The following PATJ variants were observed in gnomAD, a reference collection of about 807,000 sequenced individuals.
PATJ encodes PATJ crumbs cell polarity complex component.
Under a neutral mutation model 224.9 loss-of-function variants are expected in PATJ, and 190 were observed. The ratio of observed to expected loss-of-function variants is 0.84; its 90% confidence interval spans 0.75 to 0.95. The LOEUF (loss-of-function observed/expected upper bound fraction) is 0.95. Among genes scored for constraint, PATJ ranks in the 40% least tolerant of loss-of-function variants. PATJ has a pLI of 0.00. For missense variants in PATJ, 2,121 were observed against 2,270.3 expected (o/e 0.93, Z 1.34); for synonymous variants, 769 against 820.3 (o/e 0.94, Z 1.07).
chr1:62,076,502 T>C (rs1016109974), intron 31 of PATJ, among the ~76,000 whole-genome samples: 14 of 152,190 alleles, frequency 9.2e-5, no homozygotes, highest in Non-Finnish European at 1.9e-4. Context: ...GAATGAGTCA[T>C]GGGAACACTC....
chr1:62,000,054 A>C (rs2149599958), intron 28 of PATJ, among the ~76,000 whole-genome samples: 1 of 151,660 alleles, frequency 6.6e-6, no homozygotes, highest in Middle Eastern at 3.4e-3. Flanking sequence ...ATGCCCGGCT[A>C]ATTTTTGTAT....
intron 24 of PATJ, 125 bp downstream of exon 24, chr1:61,901,584 A>G: frequency 1.6e-6 from 1 of 634,142 alleles, no homozygotes; most frequent in South Asian, 2.1e-5. Flanking sequence ...TGCTCTATTT[A>G]TATGCCTTAG....
intron 37 of PATJ, among the ~76,000 whole-genome samples, chr1:62,118,301 T>G (rs1322156788): frequency 6.6e-6 from 1 of 152,128 alleles, no homozygotes; most frequent in Non-Finnish European, 1.5e-5. Flanking sequence ...TGACCAGACT[T>G]ATATCAACAA....
At chr1:61,970,180 A>C (rs1331394714) in intron 27 of PATJ, among the ~76,000 whole-genome samples, 1 of 151,658 alleles carries the variant, frequency 6.6e-6, no homozygotes, top group African/African-American at 2.4e-5. Flanking sequence ...TTCTTCTACA[A>C]ATTTTATAGT....
intron 24 of PATJ, 96 bp downstream of exon 24, chr1:61,901,555 CGT>C: frequency 3.7e-6 from 3 of 816,460 alleles, no homozygotes; most frequent in Non-Finnish European, 1.9e-6. Context: ...TGTTGGGGAC[CGT>C]GTGTGTACAG....
rs1236271347 is a variant in PATJ, at chr1:62,000,905, C to T, written c.3867+10541C>T. Among the ~76,000 whole-genome samples, 204 of 146,016 alleles carry T rather than the reference C, an allele frequency of 1.4e-3. 1 individual carries two copies. The highest frequency in any genetic ancestry group is 4.0e-3 in the African/African-American group (146 of 36,790). On this transcript the variant is annotated intron_variant, in intron 28 of 43. Coordinates refer to ENST00000642238, the MANE Select transcript of PATJ (RefSeq NM_001350145.3). The stretch of plus-strand genomic sequence containing the variant: ...GATTGCCATTCTAACTGGTATGAGA[C>T]GGTATCTCATTGTGGTTTTGATTTG...
chr1:61,955,196 T>C (rs1384470987), intron 27 of PATJ, among the ~76,000 whole-genome samples: 2 of 152,162 alleles, frequency 1.3e-5, no homozygotes, highest in Non-Finnish European at 2.9e-5. Flanking sequence ...GGTTTATCCA[T>C]TGGTTGGTGG....
At chr1:62,117,261 C>G in intron 37 of PATJ, 43 bp downstream of exon 37, 1 of 1,611,886 alleles carries the variant, frequency 6.2e-7, no homozygotes, top group Non-Finnish European at 8.5e-7. Context: ...TCTTCTGCCC[C>G]CACTGGGAGA....
chr1:62,134,306 G>A lies in PATJ; in HGVS notation c.5271+5361G>A, dbSNP rs189989046. Among the ~76,000 whole-genome samples the A allele has an allele frequency of 3.6e-3, 472 of 132,776 alleles. 3 individuals carry two copies. Among genetic ancestry groups the A allele is most frequent in the African/African-American group, 0.012 (427 of 35,164 alleles). The allele number at this position is 132,776 out of a possible 152,430, so 87.1% of individuals were successfully genotyped here. ...CTCCCAAAGTGCTGGGATTACAGGTGTGAGCCATCGCACCCAGCCCTCTCT... is the reference window on the plus strand; with the variant it reads ...CTCCCAAAGTGCTGGGATTACAGGTATGAGCCATCGCACCCAGCCCTCTCT... On this transcript the variant is annotated intron_variant, in intron 41 of 43. Coordinates refer to ENST00000642238, the MANE Select transcript of PATJ (RefSeq NM_001350145.3).
intron 39 of PATJ, among the ~76,000 whole-genome samples, chr1:62,125,625 A>C (rs1000936139): frequency 6.6e-6 from 1 of 152,160 alleles, no homozygotes. Flanking sequence ...CCAAAACATT[A>C]TTGCATAAAT....
At chr1:61,824,196 G>A (rs1657795789) in intron 15 of PATJ, among the ~76,000 whole-genome samples, 1 of 151,420 alleles carries the variant, frequency 6.6e-6, no homozygotes, top group African/African-American at 2.4e-5. Flanking sequence ...TATTTGTTTG[G>A]GAGAAATGGA....
At chr1:61,822,442 A>AAG (rs1553170109) in intron 14 of PATJ, among the ~76,000 whole-genome samples, 49 of 151,592 alleles carry the variant, frequency 3.2e-4, no homozygotes, top group East Asian at 9.7e-4. Context: ...AAAAAAAAAA[A>AAG]AAAAGAAAAG....
intron 15 of PATJ, among the ~76,000 whole-genome samples, chr1:61,826,959 AT>A (rs1037513607): frequency 7.9e-4 from 120 of 152,290 alleles, no homozygotes; most frequent in Non-Finnish European, 1.2e-3. Context: ...TAAATTAAAC[AT>A]TTTTTTAACA....
chr1:62,139,607 C>T (rs1320604713), intron 41 of PATJ, among the ~76,000 whole-genome samples: 1 of 152,024 alleles, frequency 6.6e-6, no homozygotes, highest in Non-Finnish European at 1.5e-5. Flanking sequence ...AAGCTGAACA[C>T]ACCCTTTGGA....
At chr1:61,938,548 AAAAC>A (rs1677249548) in intron 27 of PATJ, among the ~76,000 whole-genome samples, 1 of 152,152 alleles carries the variant, frequency 6.6e-6, no homozygotes, top group South Asian at 2.1e-4. Context: ...TTGAAATAAA[AAAAC>A]AAACTAACAG....
At chr1:61,765,762 T>G (rs1352352414) in intron 3 of PATJ, among the ~76,000 whole-genome samples, 1 of 152,150 alleles carries the variant, frequency 6.6e-6, no homozygotes. Context: ...TGTGCCTCGG[T>G]TTTTAGGCTC....
At chr1:62,107,538 GTC>G (rs897333302) in intron 33 of PATJ, among the ~76,000 whole-genome samples, 11 of 152,096 alleles carry the variant, frequency 7.2e-5, no homozygotes, top group African/African-American at 1.9e-4. Flanking sequence ...TTTTAGAATA[GTC>G]TCTCATCAAA....
chr1:61,868,288 A>G (rs573903001), intron 20 of PATJ, among the ~76,000 whole-genome samples: 7 of 152,286 alleles, frequency 4.6e-5, no homozygotes, highest in African/African-American at 1.4e-4. Flanking sequence ...CTACTCATTA[A>G]ACAATAATCT....
At chr1:62,068,174 G>A (rs1383541236) in intron 31 of PATJ, among the ~76,000 whole-genome samples, 2 of 152,182 alleles carry the variant, frequency 1.3e-5, no homozygotes, top group East Asian at 1.9e-4. Flanking sequence ...ATGCATCTGA[G>A]TTTGTTATCC....
Sources: allele counts gnomAD v4.1 joint callset (sites outside exome capture counted in the v4.1 genomes callset), GRCh38; gene constraint gnomAD v4.1.1; transcripts MANE v1.5; gene names NCBI Gene and HGNC (gene_info 2026-07-23, HGNC 2026-07-21).